The following TEDC1 variants were observed in gnomAD, a reference collection of about 807,000 sequenced individuals.
The protein encoded by TEDC1 is tubulin epsilon and delta complex protein 1.
A neutral mutation model predicts 59.9 loss-of-function variants in TEDC1; 54 were observed. The ratio of observed to expected loss-of-function variants is 0.90; its 90% CI spans 0.72 to 1.13. The LOEUF is 1.13. Ranked by LOEUF, TEDC1 falls within the 50% of genes most tolerant of loss-of-function variation. The probability of loss-of-function intolerance (pLI) is 0.00; values close to 1 mark genes in which losing one functional copy is unlikely to be tolerated. For synonymous variants in TEDC1, 353 were observed against 298.1 expected, an observed-to-expected ratio of 1.18 and a Z score of -1.90; for missense variants, 734 against 683.4, an observed-to-expected ratio of 1.07 and a Z score of -0.83.
upstream of TEDC1, chr14:105,490,921 C>G (rs1469268271): frequency 5.4e-5 from 58 of 1,069,510 alleles, no homozygotes; most frequent in Non-Finnish European, 7.9e-5. Context: ...GGCGGGGTGT[C>G]GGGTGTCGTG....
chr14:105,497,176 AC>A, intron 6 of TEDC1, 180 bp from the exon 7 acceptor site: 2 of 683,248 alleles, frequency 2.9e-6, no homozygotes, highest in South Asian at 3.2e-5. Flanking sequence ...TCCGCACCAC[AC>A]CAGGGTGCCC....
At chr14:105,494,401 C>T in intron 5 of TEDC1, 1 of 199,330 alleles carries the variant, frequency 5.0e-6, no homozygotes, top group Non-Finnish European at 1.0e-5. Flanking sequence ...GAACCCAAGG[C>T]CAGGCCCACA....
intron 5 of TEDC1, chr14:105,494,335 C>T (rs782182170): frequency 4.8e-5 from 13 of 272,172 alleles, no homozygotes; most frequent in Non-Finnish European, 9.4e-5. Flanking sequence ...GGCCAGCCCA[C>T]ACTGGGTGAA....
chr14:105,490,783 G>A, upstream of TEDC1: 2 of 545,048 alleles, frequency 3.7e-6, no homozygotes, highest in Admixed American at 6.4e-5. Flanking sequence ...CGGCGCGATG[G>A]GGCGAGGCTC....
chr14:105,493,421 C>G (rs1402471147), intron 4 of TEDC1, among the ~76,000 whole-genome samples: 1 of 152,176 alleles, frequency 6.6e-6, no homozygotes, highest in Admixed American at 6.5e-5. Flanking sequence ...ACCTTCCAGC[C>G]TCCCTTTTTT....
At chr14:105,492,029 G>C in intron 2 of TEDC1, 78 bp from the exon 3 acceptor site, 2 of 1,422,904 alleles carry the variant, frequency 1.4e-6, no homozygotes, top group Non-Finnish European at 1.9e-6. Flanking sequence ...CAAGTGACCT[G>C]TGGGGGTCTC....
At position 105,498,793 on chromosome 14, in the gene TEDC1, C is replaced by A. The variant is rs2084406182; in HGVS notation, c.1335C>A (p.Asp445Glu). The part of the protein sequence containing the change: ...RREDGAAGDR[D>E]LRAAVVIRTL... Reference sequence around the variant, plus strand: ...AGGATGGGGCAGCAGGGGACCGGGACCTGCGGGCAGCTGTGGTGATCAGGA... The same window carrying A: ...AGGATGGGGCAGCAGGGGACCGGGAACTGCGGGCAGCTGTGGTGATCAGGA... The change falls in exon 9 of 9, where the codon GAC becomes GAA. Residue 445 changes from aspartate (D) to glutamate (E), a missense_variant. By Grantham distance (45) the Asp-to-Glu change is conservative (BLOSUM62 2). Coordinates refer to ENST00000392523, the MANE Select transcript of TEDC1 (RefSeq NM_001367178.1). 3.2e-6 allele frequency: 5 copies of A among 1,585,154 alleles called. No individual in the cohort carries two copies. The highest frequency in any genetic ancestry group is 3.4e-6 in the Non-Finnish European group (4 of 1,167,186).
upstream of TEDC1, chr14:105,491,161 G>C: frequency 6.4e-7 from 1 of 1,550,652 alleles, no homozygotes; most frequent in Non-Finnish European, 8.7e-7. Context: ...TTGGGTACAG[G>C]TCTCGGCCAG....
chr14:105,491,478 A>G lies in TEDC1; in HGVS notation c.103A>G (p.Ser35Gly). The change falls in exon 1 of 9, where the codon AGC becomes GGC. Residue 35 changes from serine to glycine, a missense_variant. Physicochemically the swap from Ser to Gly is moderately conservative, Grantham distance 56 (BLOSUM62 0). Coordinates refer to ENST00000392523, the MANE Select transcript of TEDC1 (RefSeq NM_001367178.1). Reference protein sequence around the residue: ...ALSRSLPSGPSPEIFRRAKFD... With the variant: ...ALSRSLPSGPGPEIFRRAKFD... ...GAGTCGGTCGCTGCCCTCGGGACCC[A>G]GCCCCGAGATCTTCCGCCGCGCCAA... 3 of 1,483,224 alleles carry G rather than the reference A, an allele frequency of 2.0e-6. No individual in the cohort carries two copies. Among genetic ancestry groups the G allele is most frequent in the Non-Finnish European group, 2.7e-6 (3 of 1,117,612 alleles). 91.9% of individuals were successfully genotyped at this position (1,483,224 alleles called of 1,614,324 possible).
chr14:105,496,516 G>A (rs1333262328), intron 6 of TEDC1: 2 of 196,368 alleles, frequency 1.0e-5, no homozygotes, highest in East Asian at 1.4e-4. Flanking sequence ...CACACTCTGG[G>A]TTCCCGGGGG....
chr14:105,497,852 A>G lies in TEDC1; in HGVS notation c.1033A>G (p.Thr345Ala), dbSNP rs1555440772. 1 of 1,569,576 alleles carries G rather than the reference A, an allele frequency of 6.4e-7. No individual in the cohort carries two copies. The highest frequency in any genetic ancestry group is 8.6e-7 in the Non-Finnish European group (1 of 1,157,724). Residue 345 changes from threonine to alanine, a missense_variant, in exon 8 of 9, where the codon ACC becomes GCC. By Grantham distance (58) the Thr-to-Ala change is moderately conservative (BLOSUM62 0). Transcript: ENST00000392523. Reference protein sequence around the residue: ...PEVPAAASQPTFLPWVPERGG... With the variant: ...PEVPAAASQPAFLPWVPERGG... ...GGTGCCTGCTGCAGCCTCACAGCCC[A>G]CCTTCCTGCCCTGGGTCCCCGAGCG...
At chr14:105,490,795 T>C, upstream of TEDC1, 2 of 576,812 alleles carry the variant, frequency 3.5e-6, no homozygotes, top group South Asian at 3.9e-5. Context: ...GCGAGGCTCG[T>C]CCGCTCCGAC....
At chr14:105,492,481 C>T (rs782351985) in intron 3 of TEDC1, 98 bp from the exon 4 acceptor site, 349 of 1,470,238 alleles carry the variant, frequency 2.4e-4, no homozygotes, top group Admixed American at 8.5e-4. Flanking sequence ...AGGGAGCACC[C>T]GTTGTTTTTG....
chr14:105,497,927 G>A lies in TEDC1; in HGVS notation c.1108G>A (p.Glu370Lys), dbSNP rs782093997. ...AGTGCGGGAGCTGCAGGCACTGGAG[G>A]AGGAGCTGCGGGAGGCTGCGGAGCG... ...LVVRELQALE[E>K]ELREAAERRR... Residue 370 changes from glutamate to lysine, a missense_variant, in exon 8 of 9, where the codon GAG becomes AAG. Physicochemically the swap from Glu to Lys is moderately conservative, Grantham distance 56. Coordinates refer to ENST00000392523, the MANE Select transcript of TEDC1 (RefSeq NM_001367178.1). 1.7e-5 allele frequency: 27 copies of A among 1,549,688 alleles called. No individual in the cohort carries two copies. The highest frequency in any genetic ancestry group is 2.2e-5 in the Non-Finnish European group (25 of 1,147,084).
At position 105,498,955 on chromosome 14, in the gene TEDC1, CGACGG is replaced by C; in HGVS notation, c.*11_*15del. 1 of 1,590,864 alleles carries C rather than the reference CGACGG, an allele frequency of 6.3e-7. No homozygotes were observed. Among genetic ancestry groups the C allele is most frequent in the South Asian group, 1.1e-5 (1 of 88,180 alleles). On this transcript the variant is annotated 3_prime_UTR_variant, in exon 9 of 9. Transcript: ENST00000392523. Reference sequence around the variant, plus strand: ...CGCCACCTGGACGCTGAGGGCCTGTCGACGGGCCCTCGTGTGGGAAGCCTGCCCTG... The same window carrying C: ...CGCCACCTGGACGCTGAGGGCCTGTCGCCCTCGTGTGGGAAGCCTGCCCTG...
intron 6 of TEDC1, 60 bp downstream of exon 6, chr14:105,496,146 G>GGCCCCCCCCCCC: frequency 3.0e-6 from 1 of 331,608 alleles, no homozygotes; most frequent in East Asian, 7.7e-5. Flanking sequence ...GGGTGGGAGG[G>GGCCCCCCCCCCC]GGTGGCGAGG....
chr14:105,496,181 G>C (rs1416980241), intron 6 of TEDC1, 95 bp downstream of exon 6: 4 of 1,170,318 alleles, frequency 3.4e-6, no homozygotes, highest in East Asian at 2.6e-5. Flanking sequence ...CTCCTCTCCT[G>C]CCTGCTCCCA....
At chr14:105,498,474 T>C (rs955951930) in intron 8 of TEDC1, 143 bp from the exon 9 acceptor site, 2 of 931,066 alleles carry the variant, frequency 2.1e-6, no homozygotes, top group Admixed American at 6.0e-5. Flanking sequence ...CCCCTTAAAA[T>C]TTTCAGTAAG....
chr14:105,497,266 C>T (rs782738400), intron 6 of TEDC1, 91 bp from the exon 7 acceptor site: 81 of 1,282,872 alleles, frequency 6.3e-5, no homozygotes, highest in African/African-American at 8.9e-5. Flanking sequence ...GGCGTTGGGC[C>T]GGGTGTCGGC....
Sources: allele counts gnomAD v4.1 joint callset (sites outside exome capture counted in the v4.1 genomes callset), GRCh38; gene constraint gnomAD v4.1.1; transcripts MANE v1.5; gene names NCBI Gene and HGNC (gene_info 2026-07-23, HGNC 2026-07-21).